ADAM2: variants seen among roughly 807,000 people sequenced by gnomAD.
The protein encoded by ADAM2 is disintegrin and metalloproteinase domain-containing protein 2.
A neutral mutation model predicts 99.3 loss-of-function variants in ADAM2; 101 were observed. The ratio of observed to expected loss-of-function variants is 1.02; its 90% CI spans 0.87 to 1.20. ADAM2 has a LOEUF of 1.20. Among genes scored for constraint, ADAM2 ranks in the 50% most tolerant of loss-of-function variants. ADAM2 has a pLI of 0.00. For missense variants in ADAM2, 948 were observed against 878.7 expected, an observed-to-expected ratio of 1.08 and a Z score of -1.00; for synonymous variants, 323 against 287.6, an observed-to-expected ratio of 1.12 and a Z score of -1.25.
At chr8:39,804,954 T>A (rs1804376563) in intron 7 of ADAM2, among the ~76,000 whole-genome samples, 1 of 152,168 alleles carries the variant, frequency 6.6e-6, no homozygotes. Flanking sequence ...CAGGCTGCTA[T>A]AACAAAAATA....
chr8:39,756,453 G>T (rs1007702259), intron 15 of ADAM2, among the ~76,000 whole-genome samples: 2 of 152,080 alleles, frequency 1.3e-5, no homozygotes, highest in African/African-American at 4.8e-5. Context: ...CAAACCATAA[G>T]ATTTTTATTT....
At chr8:39,777,194 G>A in intron 10 of ADAM2, 33 bp from the exon 11 acceptor site, 1 of 1,570,686 alleles carries the variant, frequency 6.4e-7, no homozygotes, top group Non-Finnish European at 8.7e-7. Flanking sequence ...CACGTTTTGG[G>A]AGATTATTTT....
chr8:39,830,694 A>G (rs145667613), intron 3 of ADAM2, among the ~76,000 whole-genome samples: 78 of 152,286 alleles, frequency 5.1e-4, no homozygotes, highest in African/African-American at 1.8e-3. Context: ...CAATAGTCGC[A>G]AGCATCAGAA....
intron 3 of ADAM2, among the ~76,000 whole-genome samples, chr8:39,833,380 T>C (rs1457660765): frequency 3.9e-5 from 6 of 152,122 alleles, no homozygotes; most frequent in Admixed American, 2.6e-4. Context: ...CTTTTGATAA[T>C]TTGTAGAAAT....
chr8:39,763,331 A>T (rs1481390859), intron 14 of ADAM2, among the ~76,000 whole-genome samples: 2 of 152,222 alleles, frequency 1.3e-5, no homozygotes. Context: ...AAACCTCCCA[A>T]CAGTGCAAAA....
intron 2 of ADAM2, among the ~76,000 whole-genome samples, chr8:39,834,923 C>CA (rs1805762251): frequency 6.6e-6 from 1 of 152,034 alleles, no homozygotes; most frequent in Non-Finnish European, 1.5e-5. Flanking sequence ...CTGGTGTCTT[C>CA]ATATCCACAT....
chr8:39,826,095 C>A (rs1285164227), intron 3 of ADAM2, among the ~76,000 whole-genome samples: 2 of 152,054 alleles, frequency 1.3e-5, no homozygotes, highest in Admixed American at 1.3e-4. Context: ...ATGTACAGAT[C>A]TTTTACCTCC....
At chr8:39,783,104 T>A (rs1369836578) in intron 10 of ADAM2, among the ~76,000 whole-genome samples, 1 of 152,214 alleles carries the variant, frequency 6.6e-6, no homozygotes, top group Non-Finnish European at 1.5e-5. Flanking sequence ...TATCTCATTA[T>A]TTTATTTGCA....
At chr8:39,801,654 C>T (rs1804216788) in intron 7 of ADAM2, among the ~76,000 whole-genome samples, 3 of 152,254 alleles carry the variant, frequency 2.0e-5, no homozygotes, top group Admixed American at 2.0e-4. Flanking sequence ...ACTGGGGCCG[C>T]CCCTCCCCCT....
intron 10 of ADAM2, among the ~76,000 whole-genome samples, chr8:39,781,539 C>T (rs1803231843): frequency 6.6e-6 from 1 of 152,078 alleles, no homozygotes; most frequent in African/African-American, 2.4e-5. Context: ...TTTGGAAATT[C>T]ATTAATTTTG....
intron 6 of ADAM2, among the ~76,000 whole-genome samples, chr8:39,816,449 C>A (rs1487972612): frequency 1.3e-5 from 2 of 152,122 alleles, no homozygotes; most frequent in Non-Finnish European, 2.9e-5. Context: ...CCTAGCAGTT[C>A]AAATCTTAGT....
intron 10 of ADAM2, among the ~76,000 whole-genome samples, chr8:39,785,567 G>T (rs370902033): frequency 6.6e-6 from 1 of 152,114 alleles, no homozygotes; most frequent in Non-Finnish European, 1.5e-5. Flanking sequence ...AGACCAAGGC[G>T]GGGGGATCAC....
At chr8:39,746,750 T>A in intron 18 of ADAM2, 119 bp from the exon 19 acceptor site, 3 of 798,146 alleles carry the variant, frequency 3.8e-6, no homozygotes, top group Non-Finnish European at 5.6e-6. Context: ...ATTTAAAAAT[T>A]AACATATTTT....
At chr8:39,781,033 G>T (rs1214561047) in intron 10 of ADAM2, among the ~76,000 whole-genome samples, 1 of 149,934 alleles carries the variant, frequency 6.7e-6, no homozygotes. Flanking sequence ...TTTTGAGATG[G>T]AATCTCGCAC....
chr8:39,789,476 A>T (rs1803611462), intron 7 of ADAM2, among the ~76,000 whole-genome samples: 1 of 151,804 alleles, frequency 6.6e-6, no homozygotes, highest in South Asian at 2.1e-4. Context: ...AATGAAAATT[A>T]TTCAGAATGT....
chr8:39,789,430 G>A (rs1586103852), intron 7 of ADAM2, among the ~76,000 whole-genome samples: 1 of 151,660 alleles, frequency 6.6e-6, no homozygotes, highest in East Asian at 1.9e-4. Context: ...TTTTTTAAGT[G>A]CCCATGGATC....
intron 3 of ADAM2, among the ~76,000 whole-genome samples, 186 bp downstream of exon 3, chr8:39,833,758 C>T (rs1805708342): frequency 6.6e-6 from 1 of 151,952 alleles, no homozygotes; most frequent in Non-Finnish European, 1.5e-5. Context: ...GAAGGAGGGG[C>T]ACATACACTC....
intron 10 of ADAM2, among the ~76,000 whole-genome samples, chr8:39,780,614 A>G (rs543592107): frequency 2.0e-5 from 3 of 152,124 alleles, no homozygotes; most frequent in Non-Finnish European, 4.4e-5. Flanking sequence ...TATTTTGCCT[A>G]TATTCACAGC....
intron 18 of ADAM2, among the ~76,000 whole-genome samples, chr8:39,748,189 G>A (rs1486243059): frequency 1.3e-5 from 2 of 152,152 alleles, no homozygotes; most frequent in Non-Finnish European, 2.9e-5. Flanking sequence ...GGGAATGAGA[G>A]AAGTAAGGGC....
Sources: allele counts gnomAD v4.1 joint callset (sites outside exome capture counted in the v4.1 genomes callset), GRCh38; gene constraint gnomAD v4.1.1; transcripts MANE v1.5; gene names NCBI Gene and HGNC (gene_info 2026-07-23, HGNC 2026-07-21).